The following NEBL variants were observed in gnomAD, a reference collection of about 807,000 sequenced individuals.
NEBL encodes nebulette, also known as LIM and SH3 protein 2.
Under a neutral mutation model 140.2 loss-of-function variants are expected in NEBL, and 122 were observed. The observed-to-expected ratio is 0.87, with a 90% confidence interval of 0.75 to 1.01. NEBL has a LOEUF of 1.01. NEBL is among the 50% of genes least tolerant of loss of function. The pLI is 0.00. For missense variants in NEBL, 1,365 were observed against 1,231.3 expected, an observed-to-expected ratio of 1.11 and a Z score of -1.62; for synonymous variants, 436 against 398.9, an observed-to-expected ratio of 1.09 and a Z score of -1.11.
intron 3 of NEBL, among the ~76,000 whole-genome samples, chr10:20,983,486 G>GA (rs1246414292): frequency 6.6e-6 from 1 of 152,146 alleles, no homozygotes; most frequent in African/African-American, 2.4e-5. Flanking sequence ...AGTGAATCTG[G>GA]AAAAACCTCT....
intron 2 of NEBL, among the ~76,000 whole-genome samples, chr10:21,126,873 G>T (rs1838860201): frequency 6.6e-6 from 1 of 151,358 alleles, no homozygotes; most frequent in Non-Finnish European, 1.5e-5. Context: ...TACTCAGGAG[G>T]CTAAGGCAGG....
At chr10:21,192,382 T>C (rs1365398177) in intron 3 of NEBL, among the ~76,000 whole-genome samples, 1 of 151,402 alleles carries the variant, frequency 6.6e-6, no homozygotes, top group African/African-American at 2.4e-5. Context: ...TTAGTAGAGA[T>C]GGGGTTTCAC....
chr10:20,812,650 T>C (rs1838273004), intron 24 of NEBL, 119 bp downstream of exon 24: 3 of 1,258,750 alleles, frequency 2.4e-6, no homozygotes, highest in Non-Finnish European at 3.4e-6. Flanking sequence ...CCATTTTAAA[T>C]TGGGTACCAC....
chr10:20,817,574 G>C, intron 21 of NEBL, 26 bp downstream of exon 21: 1 of 1,564,342 alleles, frequency 6.4e-7, no homozygotes, highest in South Asian at 1.1e-5. Context: ...GATAGTGTAA[G>C]AAAAAAGTTA....
chr10:20,952,266 G>A (rs1039401553), intron 4 of NEBL, among the ~76,000 whole-genome samples: 8 of 151,812 alleles, frequency 5.3e-5, no homozygotes, highest in Non-Finnish European at 8.8e-5. Flanking sequence ...GTAAAACCCC[G>A]TCTCTACTAA....
At position 21,186,374 on chromosome 10, in the gene NEBL, G is replaced by T. The variant is rs139736770; in HGVS notation, n.349-13897C>A. On this transcript the variant is annotated intron_variant and non_coding_transcript_variant, in intron 3 of 8. Coordinates refer to the NEBL transcript ENST00000675702. ...AATGGTATTCGGAAGTGGGACCCTA[G>T]GGAGGGGACTAGGTCATGAGGGTGT... 3.3e-5 allele frequency among the ~76,000 whole-genome samples: 5 copies of T among 151,966 alleles called. No individual in the cohort carries two copies. The East Asian group carries it at 9.7e-4, about 29-fold the overall frequency.
At chr10:21,238,642 G>A (rs946389417) in intron 3 of NEBL, among the ~76,000 whole-genome samples, 3 of 151,122 alleles carry the variant, frequency 2.0e-5, no homozygotes, top group African/African-American at 7.3e-5. Context: ...CCTGGGAGGC[G>A]GAGGTTGCAG....
chr10:21,105,981 T>C (rs1837698285), intron 2 of NEBL, among the ~76,000 whole-genome samples: 2 of 152,112 alleles, frequency 1.3e-5, no homozygotes, highest in Admixed American at 6.5e-5. Flanking sequence ...TGCATAAATG[T>C]CTTCTTCTGA....
At chr10:20,867,042 A>C (rs1433591826) in intron 7 of NEBL, among the ~76,000 whole-genome samples, 1 of 152,144 alleles carries the variant, frequency 6.6e-6, no homozygotes, top group Non-Finnish European at 1.5e-5. Flanking sequence ...AAATGTTCTC[A>C]TCAAATGCAT....
chr10:21,234,298 G>A (rs982439698), intron 3 of NEBL, among the ~76,000 whole-genome samples: 11 of 152,054 alleles, frequency 7.2e-5, no homozygotes, highest in Non-Finnish European at 1.3e-4. Flanking sequence ...CATGTGGGCC[G>A]ATCCCTTATG....
intron 2 of NEBL, among the ~76,000 whole-genome samples, chr10:21,166,710 A>T (rs1840793991): frequency 2.6e-5 from 4 of 152,168 alleles, no homozygotes; most frequent in African/African-American, 7.2e-5. Context: ...CAATCGAGAG[A>T]CTTGCTCAGT....
In NEBL at chr10:20,856,397, A is replaced by T. The variant is rs16921160; in HGVS notation, c.903+1843T>A. On this transcript the variant is annotated intron_variant, in intron 9 of 27. Transcript: ENST00000377122. Reference sequence around the variant, plus strand: ...ACCAAATGTTGAAATTACCACCATGATATTTTTATTGGCTTATTTACACAT... The same window carrying T: ...ACCAAATGTTGAAATTACCACCATGTTATTTTTATTGGCTTATTTACACAT... 5.0e-3 allele frequency among the ~76,000 whole-genome samples: 755 copies of T among 152,290 alleles called. 5 individuals are homozygous for T. The highest frequency in any genetic ancestry group is 0.017 in the Middle Eastern group (5 of 294).
At chr10:21,194,063 C>T (rs1841614437) in intron 3 of NEBL, among the ~76,000 whole-genome samples, 1 of 152,288 alleles carries the variant, frequency 6.6e-6, no homozygotes, top group African/African-American at 2.4e-5. Context: ...CAGTCTCGAA[C>T]TCCTGGGCTC....
intron 18 of NEBL, 70 bp from the exon 19 acceptor site, chr10:20,823,370 A>C (rs924585561): frequency 2.7e-6 from 3 of 1,122,428 alleles, no homozygotes; most frequent in Non-Finnish European, 3.9e-6. Flanking sequence ...AGAATTCTTC[A>C]ATTGTAACTA....
chr10:21,045,366 C>G (rs144659321), intron 2 of NEBL, among the ~76,000 whole-genome samples: 1 of 152,112 alleles, frequency 6.6e-6, no homozygotes, highest in Non-Finnish European at 1.5e-5. Flanking sequence ...CTCAATCTCG[C>G]GATACTAACT....
chr10:21,095,175 C>G (rs1178591596), intron 2 of NEBL, among the ~76,000 whole-genome samples: 1 of 152,206 alleles, frequency 6.6e-6, no homozygotes, highest in Non-Finnish European at 1.5e-5. Context: ...GCTCTCTAGA[C>G]TGTTCATAAG....
At chr10:21,029,560 A>C in intron 2 of NEBL, 1 of 1,602,570 alleles carries the variant, frequency 6.2e-7, no homozygotes, top group Non-Finnish European at 8.5e-7. Context: ...TGGCCGTGAT[A>C]GAAATCGGGA....
At chr10:21,107,532 C>T (rs1350232485) in intron 2 of NEBL, among the ~76,000 whole-genome samples, 13 of 152,092 alleles carry the variant, frequency 8.5e-5, no homozygotes. Context: ...TTGATCATGA[C>T]AGATAAGCTT....
chr10:20,902,774 T>C (rs898438234), intron 4 of NEBL, among the ~76,000 whole-genome samples: 2 of 152,144 alleles, frequency 1.3e-5, no homozygotes, highest in Non-Finnish European at 2.9e-5. Flanking sequence ...GGAAGAAACC[T>C]AAGCTCTTCT....
Sources: allele counts gnomAD v4.1 joint callset (sites outside exome capture counted in the v4.1 genomes callset), GRCh38; gene constraint gnomAD v4.1.1; transcripts MANE v1.5; gene names NCBI Gene and HGNC (gene_info 2026-07-23, HGNC 2026-07-21).